The following CCDC169 variants were observed in gnomAD, a reference collection of about 807,000 sequenced individuals.
The protein encoded by CCDC169 is coiled-coil domain containing 169.
A neutral mutation model predicts 36.0 loss-of-function variants in CCDC169; 30 were observed. That is an observed-to-expected ratio of 0.83 (90% CI 0.62 to 1.13). CCDC169 has a LOEUF of 1.13. CCDC169 is among the 50% of genes most tolerant of loss of function. The pLI is 0.00. For missense variants in CCDC169, 245 were observed against 245.9 expected, an observed-to-expected ratio of 1.00 and a Z score of 0.03; for synonymous variants, 85 against 81.5, an observed-to-expected ratio of 1.04 and a Z score of -0.23.
At chr13:36,236,841 A>G (rs1434723321) in intron 7 of CCDC169, among the ~76,000 whole-genome samples, 2 of 152,060 alleles carry the variant, frequency 1.3e-5, no homozygotes, top group Non-Finnish European at 2.9e-5. Context: ...TTGTCCCTCT[A>G]CATCCAAGGG....
At chr13:36,267,459 G>A (rs1224299980) in intron 4 of CCDC169, among the ~76,000 whole-genome samples, 1 of 152,102 alleles carries the variant, frequency 6.6e-6, no homozygotes, top group African/African-American at 2.4e-5. Flanking sequence ...GCTAAAAGGA[G>A]TTCTAGACCT....
intron 1 of CCDC169, 39 bp from the exon 2 acceptor site, chr13:36,295,896 A>G: frequency 1.7e-6 from 2 of 1,175,060 alleles, no homozygotes; most frequent in Non-Finnish European, 2.4e-6. Flanking sequence ...TAATTCAATT[A>G]AAAATAACAT....
At chr13:36,296,310 T>C (rs1594101795) in intron 1 of CCDC169, among the ~76,000 whole-genome samples, 1 of 152,202 alleles carries the variant, frequency 6.6e-6, no homozygotes, top group African/African-American at 2.4e-5. Flanking sequence ...GCCAGGCTGG[T>C]CTCGAACTCC....
rs143296827 is a variant in CCDC169 at position 36,271,477 on chromosome 13, T to C, written c.315+11992A>G. Among the ~76,000 whole-genome samples, 1,165 of 152,238 alleles carry C rather than the reference T, an allele frequency of 7.7e-3. 18 individuals carry two copies. Among genetic ancestry groups the C allele is most frequent in the African/African-American group, 0.027 (1,113 of 41,540 alleles). On this transcript the variant is annotated intron_variant, in intron 4 of 7. Coordinates refer to ENST00000239859, the MANE Select transcript of CCDC169 (RefSeq NM_001144981.3). ...CACACATATGTTTATAGGAGCACAATTCATAATTGCAAAGATGTGGAACCA... is the reference window on the plus strand; with the variant it reads ...CACACATATGTTTATAGGAGCACAACTCATAATTGCAAAGATGTGGAACCA...
At chr13:36,256,374 T>C (rs570265043) in intron 4 of CCDC169, among the ~76,000 whole-genome samples, 6 of 152,246 alleles carry the variant, frequency 3.9e-5, no homozygotes, top group African/African-American at 1.4e-4. Context: ...CTTATAATCA[T>C]GGTGGAAGGC....
At chr13:36,269,307 C>T (rs1875743021) in intron 4 of CCDC169, among the ~76,000 whole-genome samples, 1 of 151,942 alleles carries the variant, frequency 6.6e-6, no homozygotes, top group Non-Finnish European at 1.5e-5. Flanking sequence ...ATAAGAACAC[C>T]CAGGACCAGA....
At chr13:36,254,696 G>A (rs1434915728) in intron 4 of CCDC169, among the ~76,000 whole-genome samples, 1 of 151,924 alleles carries the variant, frequency 6.6e-6, no homozygotes, top group Non-Finnish European at 1.5e-5. Flanking sequence ...TTTGAAAAAC[G>A]GTATCGTACA....
Position 36,250,155 on chromosome 13 carries a change from G to A in CCDC169, c.469-1473C>T, listed in dbSNP as rs78111643. ...AGATGTAGCTAATTGAGGGTATGGG[G>A]GACTCCACATGGAAGAGCAGCCAAT... On this transcript the variant is annotated intron_variant, in intron 6 of 7. Coordinates refer to ENST00000239859, the MANE Select transcript of CCDC169 (RefSeq NM_001144981.3). Among the ~76,000 whole-genome samples, 1,170 of 152,206 alleles carry A rather than the reference G, an allele frequency of 7.7e-3. 7 individuals are homozygous for A. Among genetic ancestry groups the A allele is most frequent in the African/African-American group, 0.023 (969 of 41,538 alleles).
chr13:36,242,686 C>A (rs1276446343), intron 7 of CCDC169, among the ~76,000 whole-genome samples: 2 of 151,998 alleles, frequency 1.3e-5, no homozygotes, highest in Non-Finnish European at 2.9e-5. Flanking sequence ...GCACTCTATT[C>A]AACATTAAGT....
In CCDC169 at chr13:36,275,171, T is replaced by C. The variant is rs533104411; in HGVS notation, c.315+8298A>G. Reference sequence around the variant, plus strand: ...CGTGAGCCACCGCGCTCGGCCTGCATATTATTTTTAAACCAATGATTGCTA... The same window carrying C: ...CGTGAGCCACCGCGCTCGGCCTGCACATTATTTTTAAACCAATGATTGCTA... On this transcript the variant is annotated intron_variant, in intron 4 of 7. Transcript: ENST00000239859. Among the ~76,000 whole-genome samples, 13 of 151,986 alleles carry C rather than the reference T, an allele frequency of 8.6e-5. No homozygotes were observed. In the South Asian group the frequency reaches 2.7e-3, roughly 32 times the overall value.
chr13:36,286,088 G>C (rs1480409204), intron 2 of CCDC169, among the ~76,000 whole-genome samples: 1 of 152,196 alleles, frequency 6.6e-6, no homozygotes, highest in African/African-American at 2.4e-5. Context: ...GCCTGAGCCT[G>C]CCAGTCTGGT....
intron 4 of CCDC169, among the ~76,000 whole-genome samples, chr13:36,276,761 T>C (rs2138583490): frequency 6.6e-6 from 1 of 152,188 alleles, no homozygotes; most frequent in Admixed American, 6.5e-5. Context: ...TACAGGGATA[T>C]GGTGGGGCTT....
chr13:36,258,838 C>A lies in CCDC169; in HGVS notation c.316-4695G>T, dbSNP rs115453231. Among the ~76,000 whole-genome samples the A allele has an allele frequency of 3.3e-3, 502 of 152,278 alleles. 6 individuals are homozygous for A. The highest frequency in any genetic ancestry group is 0.012 in the African/African-American group (488 of 41,574). On this transcript the variant is annotated intron_variant, in intron 4 of 7. Coordinates refer to ENST00000239859, the MANE Select transcript of CCDC169 (RefSeq NM_001144981.3). ...TTCACTTTACACTACGGATTTGCCTCTAATTCTTTTTTGTGCAAGATCCAA... is the reference window on the plus strand; with the variant it reads ...TTCACTTTACACTACGGATTTGCCTATAATTCTTTTTTGTGCAAGATCCAA...
At chr13:36,249,101 C>G (rs1482406025) in intron 6 of CCDC169, among the ~76,000 whole-genome samples, 1 of 152,060 alleles carries the variant, frequency 6.6e-6, no homozygotes. Context: ...TCTTGAAATT[C>G]CTCCAGGATA....
At chr13:36,294,586 G>A (rs901291844) in intron 2 of CCDC169, among the ~76,000 whole-genome samples, 2 of 152,082 alleles carry the variant, frequency 1.3e-5, no homozygotes, top group Non-Finnish European at 2.9e-5. Context: ...GTAGCAGGAC[G>A]AGCCACAGAC....
chr13:36,295,885 A>C, intron 1 of CCDC169, 28 bp from the exon 2 acceptor site: 1 of 1,297,982 alleles, frequency 7.7e-7, no homozygotes, highest in Non-Finnish European at 1.1e-6. Context: ...TTTGTTGATT[A>C]TAATTCAATT....
At chr13:36,278,312 A>C (rs1309469542) in intron 4 of CCDC169, among the ~76,000 whole-genome samples, 2 of 152,188 alleles carry the variant, frequency 1.3e-5, no homozygotes, top group Non-Finnish European at 2.9e-5. Flanking sequence ...CAGAGAGATG[A>C]AATAACTTCC....
chr13:36,223,086 A>G (rs2138353987), downstream of CCDC169: 1 of 152,300 alleles, frequency 6.6e-6, no homozygotes, highest in African/African-American at 2.4e-5. Flanking sequence ...CACCCTAATA[A>G]AACTGATTTT....
intron 7 of CCDC169, chr13:36,240,616 C>T: frequency 7.8e-7 from 1 of 1,283,696 alleles, no homozygotes; most frequent in Non-Finnish European, 1.0e-6. Context: ...TCCAGGGTAC[C>T]AATGGCTCCT....
Sources: gnomAD v4.1 joint callset for allele counts (sites outside exome capture counted in the v4.1 genomes callset) on GRCh38, gnomAD v4.1.1 for gene constraint, MANE v1.5 for transcripts, NCBI Gene and HGNC (gene_info 2026-07-23, HGNC 2026-07-21) for gene names.